The following PREX1 variants were observed in gnomAD, a reference collection of about 807,000 sequenced individuals.
PREX1 encodes phosphatidylinositol 3,4,5-trisphosphate-dependent Rac exchanger 1 protein.
A neutral mutation model predicts 198.3 loss-of-function variants in PREX1; 41 were observed. That is an observed-to-expected ratio of 0.21 (90% confidence interval 0.16 to 0.27). The LOEUF is 0.27. Ranked by LOEUF, PREX1 falls within the 10% of genes least tolerant of loss-of-function variation. PREX1 has a pLI of 1.00. For synonymous variants in PREX1, 843 were observed against 887.2 expected, an observed-to-expected ratio of 0.95 and a Z score of 0.89; for missense variants, 1,620 against 2,200.7, an observed-to-expected ratio of 0.74 and a Z score of 5.28.
At chr20:48,680,843 T>C (rs2089744487) in intron 11 of PREX1, among the ~76,000 whole-genome samples, 1 of 152,144 alleles carries the variant, frequency 6.6e-6, no homozygotes, top group Non-Finnish European at 1.5e-5. Flanking sequence ...GTAAAGATCT[T>C]ATCGTCCCCT....
chr20:48,764,679 G>A (rs568022492), intron 1 of PREX1, among the ~76,000 whole-genome samples: 1 of 151,874 alleles, frequency 6.6e-6, no homozygotes, highest in African/African-American at 2.4e-5. Context: ...GCTCTTGGAA[G>A]GCTGAGGCGT....
chr20:48,769,263 G>C (rs979151810), intron 1 of PREX1, among the ~76,000 whole-genome samples: 1 of 152,206 alleles, frequency 6.6e-6, no homozygotes, highest in Non-Finnish European at 1.5e-5. Flanking sequence ...CAAAGAGGCT[G>C]GGGGTGGTGG....
At chr20:48,629,738 C>T in intron 36 of PREX1, 117 bp from the exon 37 acceptor site, 1 of 1,123,870 alleles carries the variant, frequency 8.9e-7, no homozygotes, top group South Asian at 1.4e-5. Context: ...CTGCAGCTGC[C>T]TCCCAGCTCA....
At chr20:48,734,719 AC>A in intron 3 of PREX1, 69 bp from the exon 4 acceptor site, 1 of 1,366,392 alleles carries the variant, frequency 7.3e-7, no homozygotes, top group Non-Finnish European at 1.0e-6. Flanking sequence ...ACACATGCTG[AC>A]CACTGGGCTG....
intron 5 of PREX1, among the ~76,000 whole-genome samples, chr20:48,716,949 G>A (rs1224215204): frequency 2.0e-5 from 3 of 152,188 alleles, no homozygotes; most frequent in South Asian, 2.1e-4. Flanking sequence ...GGATAGTATC[G>A]CCTGAGCCCT....
chr20:48,634,599 C>G, intron 33 of PREX1, 77 bp downstream of exon 33: 4 of 1,456,828 alleles, frequency 2.7e-6, no homozygotes, highest in Non-Finnish European at 3.8e-6. Flanking sequence ...AGGGGAAGGA[C>G]AGGGTGACCC....
At chr20:48,646,192 C>T (rs570003408) in intron 25 of PREX1, 135 bp from the exon 26 acceptor site, 27 of 831,796 alleles carry the variant, frequency 3.2e-5, no homozygotes, top group South Asian at 1.1e-4. Flanking sequence ...AGTTCTTTCA[C>T]GGCCAAGCTA....
intron 21 of PREX1, among the ~76,000 whole-genome samples, chr20:48,651,835 C>A (rs1181342854): frequency 6.6e-6 from 1 of 152,246 alleles, no homozygotes; most frequent in Non-Finnish European, 1.5e-5. Flanking sequence ...TCGGAAGGTT[C>A]TCTTCTCATC....
intron 1 of PREX1, among the ~76,000 whole-genome samples, chr20:48,780,305 G>A (rs1047181763): frequency 6.6e-6 from 1 of 152,096 alleles, no homozygotes; most frequent in Admixed American, 6.5e-5. Context: ...CTTGTGGTTA[G>A]ATTTCAACTA....
chr20:48,663,991 C>T (rs1465858524), intron 15 of PREX1, among the ~76,000 whole-genome samples: 6 of 152,168 alleles, frequency 3.9e-5, no homozygotes, highest in African/African-American at 1.2e-4. Flanking sequence ...GTGCCTGGAA[C>T]ACCAAAGACA....
At chr20:48,779,104 A>AT (rs2090276988) in intron 1 of PREX1, among the ~76,000 whole-genome samples, 1 of 152,254 alleles carries the variant, frequency 6.6e-6, no homozygotes, top group African/African-American at 2.4e-5. Context: ...TACAAATGAC[A>AT]TATCTGACAA....
intron 7 of PREX1, among the ~76,000 whole-genome samples, chr20:48,693,184 G>C (rs2089828224): frequency 8.2e-6 from 1 of 121,770 alleles, no homozygotes; most frequent in Non-Finnish European, 1.7e-5. Context: ...GGAACTGGCA[G>C]TCCGTCCATC....
At chr20:48,763,036 T>C (rs2090190211) in intron 1 of PREX1, among the ~76,000 whole-genome samples, 1 of 152,218 alleles carries the variant, frequency 6.6e-6, no homozygotes, top group African/African-American at 2.4e-5. Context: ...GATGAAATGG[T>C]CCTAAAATTA....
intron 14 of PREX1, among the ~76,000 whole-genome samples, chr20:48,672,246 G>A (rs866555194): frequency 2.0e-5 from 3 of 152,210 alleles, no homozygotes; most frequent in Non-Finnish European, 4.4e-5. Flanking sequence ...CAAGCCAAAG[G>A]CTTTGGAGTC....
the PREX1 span, among the ~76,000 whole-genome samples, chr20:48,862,325 A>G: frequency 6.6e-6 from 1 of 151,954 alleles, no homozygotes; most frequent in Non-Finnish European, 1.5e-5. Flanking sequence ...CATCCCTTGA[A>G]CTCCTCCTCA....
chr20:48,877,829 C>T, the PREX1 span, among the ~76,000 whole-genome samples: 1 of 152,166 alleles, frequency 6.6e-6, no homozygotes, highest in Non-Finnish European at 1.5e-5. Context: ...AAGTTCTGAG[C>T]CAGGCGTGGT....
At chr20:48,701,598 C>G (rs1470884968) in intron 6 of PREX1, among the ~76,000 whole-genome samples, 1 of 152,122 alleles carries the variant, frequency 6.6e-6, no homozygotes, top group African/African-American at 2.4e-5. Context: ...TATATCTCCC[C>G]CACCTAAATG....
chr20:48,752,800 C>A (rs1189479686), intron 1 of PREX1, among the ~76,000 whole-genome samples: 2 of 152,184 alleles, frequency 1.3e-5, no homozygotes, highest in African/African-American at 4.8e-5. Flanking sequence ...GGGTCATGTT[C>A]TTTGGGGAAT....
At chr20:48,672,382 G>C (rs1395145544) in intron 14 of PREX1, among the ~76,000 whole-genome samples, 1 of 152,186 alleles carries the variant, frequency 6.6e-6, no homozygotes, top group Admixed American at 6.5e-5. Flanking sequence ...CCTGTTCTCA[G>C]CCAGCATCCT....
Sources: gnomAD v4.1 joint callset for allele counts (sites outside exome capture counted in the v4.1 genomes callset) on GRCh38, gnomAD v4.1.1 for gene constraint, MANE v1.5 for transcripts, NCBI Gene and HGNC (gene_info 2026-07-23, HGNC 2026-07-21) for gene names.